Variants in DAB1 observed in about 807,000 individuals in gnomAD.
DAB1 encodes DAB adaptor protein 1, also known as disabled homolog 1.
DAB1 carries 15 observed loss-of-function variants against 64.6 expected under a neutral mutation model. That is an observed-to-expected ratio of 0.23 (90% CI 0.16 to 0.36). The LOEUF is 0.36. Among genes scored for constraint, DAB1 ranks in the 10% least tolerant of loss-of-function variants. The pLI, the probability that DAB1 is intolerant of heterozygous loss-of-function variation, is 1.00. For synonymous variants in DAB1, 235 were observed against 251.9 expected (o/e 0.93, Z 0.64); for missense variants, 596 against 706.7 (o/e 0.84, Z 1.78).
chr1:58,231,552 C>T (rs1396539698), intron 4 of DAB1, among the ~76,000 whole-genome samples: 1 of 152,108 alleles, frequency 6.6e-6, no homozygotes. Flanking sequence ...GATGGACAGG[C>T]CACTAAGGTA....
chr1:57,245,187 C>T (rs946756941), intron 2 of DAB1, among the ~76,000 whole-genome samples: 1 of 152,188 alleles, frequency 6.6e-6, no homozygotes, highest in African/African-American at 2.4e-5. Context: ...TTTTGCTATA[C>T]TTTGGCACAG....
At position 58,388,421 on chromosome 1, in the gene DAB1, C is replaced by T. The variant is rs577768869; in HGVS notation, n.258-45018G>A. On this transcript the variant is annotated intron_variant and non_coding_transcript_variant, in intron 3 of 20. Coordinates refer to the DAB1 transcript ENST00000485760. Reference sequence around the variant, plus strand: ...CTCTGATAGAAAGAGACAGACTCCACGGTCATGTAGTTCCTATCCTTTACC... The same window carrying T: ...CTCTGATAGAAAGAGACAGACTCCATGGTCATGTAGTTCCTATCCTTTACC... 1.7e-4 allele frequency among the ~76,000 whole-genome samples: 26 copies of T among 152,292 alleles called. No homozygotes were observed. In the East Asian group the frequency reaches 2.9e-3, roughly 17 times the overall value.
intron 5 of DAB1, among the ~76,000 whole-genome samples, chr1:58,025,615 G>T (rs1180621773): frequency 1.6e-5 from 2 of 128,914 alleles, no homozygotes; most frequent in African/African-American, 5.9e-5. Flanking sequence ...ATTAAATGTA[G>T]ATGAGTTATA....
chr1:57,887,755 C>T (rs561001616), upstream of DAB1, among the ~76,000 whole-genome samples: 11 of 152,274 alleles, frequency 7.2e-5, no homozygotes, highest in South Asian at 2.3e-3. Flanking sequence ...AGTAAACATT[C>T]TATTAAAAGG....
intron 7 of DAB1, among the ~76,000 whole-genome samples, chr1:57,480,235 T>G (rs935223356): frequency 3.9e-5 from 6 of 151,914 alleles, no homozygotes; most frequent in African/African-American, 9.7e-5. Flanking sequence ...GTGTCCTTTC[T>G]GCCATAATCC....
intron 2 of DAB1, among the ~76,000 whole-genome samples, chr1:57,148,372 T>G (rs1418948909): frequency 6.6e-6 from 1 of 152,234 alleles, no homozygotes; most frequent in African/African-American, 2.4e-5. Flanking sequence ...AGGGCACTTA[T>G]GCAGTAGATA....
chr1:57,851,200 T>C (rs561064121), intron 1 of DAB1, among the ~76,000 whole-genome samples: 22 of 152,366 alleles, frequency 1.4e-4, no homozygotes, highest in African/African-American at 4.3e-4. Flanking sequence ...ACCACATGTG[T>C]ATTTGCATAG....
At chr1:57,535,753 C>T (rs546079202) in intron 7 of DAB1, among the ~76,000 whole-genome samples, 1 of 152,326 alleles carries the variant, frequency 6.6e-6, no homozygotes, top group African/African-American at 2.4e-5. Flanking sequence ...AGCCACTGTG[C>T]CCAGCTTGTT....
intron 5 of DAB1, among the ~76,000 whole-genome samples, chr1:57,956,403 G>A (rs541830521): frequency 6.6e-5 from 10 of 152,164 alleles, no homozygotes; most frequent in Non-Finnish European, 1.0e-4. Flanking sequence ...TGACATCTGA[G>A]ACAGCCAAAC....
intron 1 of DAB1, among the ~76,000 whole-genome samples, chr1:57,344,884 G>C (rs1196930334): frequency 2.0e-5 from 3 of 152,096 alleles, no homozygotes; most frequent in Non-Finnish European, 4.4e-5. Context: ...AGCTTTGGGA[G>C]GATTTCACAG....
At chr1:57,735,463 T>A (rs1647639402) in intron 6 of DAB1, among the ~76,000 whole-genome samples, 1 of 152,098 alleles carries the variant, frequency 6.6e-6, no homozygotes, top group Admixed American at 6.5e-5. Flanking sequence ...GTACTGCCTA[T>A]ATGTCAGGTG....
At chr1:58,016,455 T>C (rs1646740383) in intron 5 of DAB1, among the ~76,000 whole-genome samples, 1 of 152,228 alleles carries the variant, frequency 6.6e-6, no homozygotes, top group South Asian at 2.1e-4. Flanking sequence ...TGAGTCTGCA[T>C]GAACAACTAT....
chr1:57,842,177 C>T (rs28820715), intron 1 of DAB1, among the ~76,000 whole-genome samples: 4,698 of 152,244 alleles, frequency 0.031, 230 homozygotes, highest in African/African-American at 0.11. Context: ...GGGAAAAATG[C>T]TGCAAGTCTG....
chr1:57,786,204 A>G (rs528410748), intron 6 of DAB1, among the ~76,000 whole-genome samples: 2 of 152,312 alleles, frequency 1.3e-5, no homozygotes, highest in Admixed American at 1.3e-4. Context: ...ACTACAGTAT[A>G]GTATAAAGAT....
intron 4 of DAB1, among the ~76,000 whole-genome samples, chr1:58,259,823 C>G (rs534484841): frequency 2.0e-5 from 3 of 152,324 alleles, no homozygotes; most frequent in Admixed American, 2.0e-4. Context: ...AAAGAATGGT[C>G]TGGTTAGGAG....
At chr1:58,436,490 T>A (rs992966394) in intron 3 of DAB1, among the ~76,000 whole-genome samples, 2 of 152,160 alleles carry the variant, frequency 1.3e-5, no homozygotes, top group African/African-American at 4.8e-5. Context: ...GCATTGAATC[T>A]CTTAGCTCTT....
intron 1 of DAB1, among the ~76,000 whole-genome samples, chr1:57,304,075 C>T (rs183148839): frequency 3.7e-4 from 57 of 152,116 alleles, no homozygotes; most frequent in Admixed American, 3.3e-3. Flanking sequence ...ACCTGAGGCT[C>T]GGTAATTTAT....
In DAB1 at chr1:57,027,038, G is replaced by A. The variant is rs186868814; in HGVS notation, c.724-995C>T. 2.6e-5 allele frequency among the ~76,000 whole-genome samples: 4 copies of A among 152,294 alleles called. No homozygotes were observed. In the East Asian group the frequency reaches 7.7e-4, roughly 29 times the overall value. Reference sequence around the variant, plus strand: ...TGGGGGAACTTAGACATACCACTTAGTAGAAGGGATGTGAAGAGTCCGACT... The same window carrying A: ...TGGGGGAACTTAGACATACCACTTAATAGAAGGGATGTGAAGAGTCCGACT... On this transcript the variant is annotated intron_variant, in intron 9 of 14. Transcript: ENST00000371236.
chr1:57,439,431 T>TTTTTTTTTTG (rs1685839602), intron 7 of DAB1, among the ~76,000 whole-genome samples: 3 of 125,222 alleles, frequency 2.4e-5, no homozygotes, highest in Non-Finnish European at 4.9e-5. Flanking sequence ...TTTTCTTTTT[T>TTTTTTTTTTG]TTTTTTTTTT....
Sources: allele counts gnomAD v4.1 joint callset (sites outside exome capture counted in the v4.1 genomes callset), GRCh38; gene constraint gnomAD v4.1.1; transcripts MANE v1.5; gene names NCBI Gene and HGNC (gene_info 2026-07-23, HGNC 2026-07-21).